The following KIAA1614 variants were observed in gnomAD, a reference collection of about 807,000 sequenced individuals.
The protein encoded by KIAA1614 is uncharacterized protein KIAA1614.
Under a neutral mutation model 88.7 loss-of-function variants are expected in KIAA1614, and 76 were observed. The ratio of observed to expected loss-of-function variants is 0.86; its 90% CI spans 0.71 to 1.04. The LOEUF (loss-of-function observed/expected upper bound fraction) is 1.04. Ranked by LOEUF, KIAA1614 falls within the 50% of genes least tolerant of loss-of-function variation. The pLI, the probability that KIAA1614 is intolerant of heterozygous loss-of-function variation, is 0.00. For synonymous variants in KIAA1614, 714 were observed against 675.5 expected, an observed-to-expected ratio of 1.06 and a Z score of -0.88; for missense variants, 1,553 against 1,582.5, an observed-to-expected ratio of 0.98 and a Z score of 0.32.
At chr1:180,931,511 C>A (rs114436376) in intron 4 of KIAA1614, among the ~76,000 whole-genome samples, 1 of 152,238 alleles carries the variant, frequency 6.6e-6, no homozygotes, top group Non-Finnish European at 1.5e-5. Context: ...ATTTGCTCAA[C>A]GCTTAGCTGC....
rs1654623510 is a variant in KIAA1614 at position 180,947,543 on chromosome 1, G to A, written c.*1955G>A. The A allele has an allele frequency of 6.6e-6, 1 of 152,266 alleles. No individual in the cohort carries two copies. The highest frequency in any genetic ancestry group is 1.5e-5 in the Non-Finnish European group (1 of 68,076). The allele number at this position is 152,266 out of a possible 1,614,324, so 9.4% of individuals were successfully genotyped here. A position where few individuals can be genotyped will look rare whatever the true frequency, so the allele number is the denominator to read the frequency against. ...AGCTGGACATGTAAGAGGAAGAGAG[G>A]ACAGGTCTCTGCCTACTCTGGACCT... On this transcript the variant is annotated 3_prime_UTR_variant, in exon 9 of 9. Transcript: ENST00000367588.
intron 1 of KIAA1614, among the ~76,000 whole-genome samples, 191 bp from the exon 2 acceptor site, chr1:180,915,963 G>A (rs1266831348): frequency 6.6e-6 from 1 of 152,118 alleles, no homozygotes; most frequent in Non-Finnish European, 1.5e-5. Context: ...TGGAAAAACT[G>A]TCTTTCATGA....
intron 3 of KIAA1614, among the ~76,000 whole-genome samples, chr1:180,926,721 G>T (rs1449099086): frequency 1.3e-5 from 2 of 152,232 alleles, no homozygotes; most frequent in Non-Finnish European, 2.9e-5. Context: ...ACGGCTGCAG[G>T]GGCGCCTCTC....
At chr1:180,930,358 G>A (rs1160651252) in intron 4 of KIAA1614, among the ~76,000 whole-genome samples, 1 of 152,022 alleles carries the variant, frequency 6.6e-6, no homozygotes, top group Non-Finnish European at 1.5e-5. Context: ...GGCGGAGGTT[G>A]CAGCGAGCCG....
At chr1:180,924,549 A>G (rs926293138) in intron 3 of KIAA1614, among the ~76,000 whole-genome samples, 1 of 152,210 alleles carries the variant, frequency 6.6e-6, no homozygotes, top group Non-Finnish European at 1.5e-5. Context: ...CCCAGCTGCC[A>G]TTCCTAAGGA....
chr1:180,913,224 G>C lies in KIAA1614; in HGVS notation c.-20G>C, dbSNP rs1183349835. 3.2e-6 allele frequency: 4 copies of C among 1,260,100 alleles called. No individual in the cohort carries two copies. The highest frequency in any genetic ancestry group is 4.0e-6 in the Non-Finnish European group (4 of 996,290). The allele number at this position is 1,260,100 out of a possible 1,614,324, so 78.1% of individuals were successfully genotyped here. ...CCTGGGAGGGAGAAGGGGCTGGAGAGGGCCTGGCCTCTCCGAGGGATGGAG... is the reference window on the plus strand; with the variant it reads ...CCTGGGAGGGAGAAGGGGCTGGAGACGGCCTGGCCTCTCCGAGGGATGGAG... On this transcript the variant is annotated 5_prime_UTR_variant, in exon 1 of 9. Transcript: ENST00000367588.
Position 180,935,975 on chromosome 1 carries a change from T to C in KIAA1614, c.2066T>C (p.Val689Ala). Residue 689 changes from valine to alanine, a missense_variant, in exon 5 of 9, where the codon GTG (valine) becomes GCG (alanine). Transcript: ENST00000367588. This position sits in a 1 kb window ranked among gnomAD's most constrained non-coding sequence, Gnocchi z 6.1. ...RADDVEVENE[V>A]KEGRGHTPEG... Reference sequence around the variant, plus strand: ...GATGATGTGGAGGTGGAAAATGAGGTGAAAGAGGGCAGAGGACACACGCCT... The same window carrying C: ...GATGATGTGGAGGTGGAAAATGAGGCGAAAGAGGGCAGAGGACACACGCCT... The C allele has an allele frequency of 6.2e-7, 1 of 1,613,742 alleles. No individual in the cohort carries two copies. Among genetic ancestry groups the C allele is most frequent in the Non-Finnish European group, 8.5e-7 (1 of 1,179,842 alleles).
In KIAA1614 at chr1:180,916,460, A is replaced by G. The variant is rs754893032; in HGVS notation, c.357A>G (p.Arg119=). The change falls in exon 2 of 9, where the codon AGA becomes AGG. Residue 119 remains arginine, a synonymous_variant. Transcript: ENST00000367588. ...CATCCCCCAAGAAACCCCAATGCAG[A>G]CGAGGCAAGGCAGGGAGAGCCGGGA... is the stretch of plus-strand genomic sequence containing the variant. ...EWSSPKKPQC[R]RGKAGRAGTP... 19 of 1,614,016 alleles carry G rather than the reference A, an allele frequency of 1.2e-5. No homozygotes were observed. The highest frequency in any genetic ancestry group is 1.5e-5 in the Non-Finnish European group (18 of 1,180,032).
rs1417300891 is a variant in KIAA1614, at chr1:180,947,431, G to A, written c.*1843G>A. 1 of 152,272 alleles carries A rather than the reference G, an allele frequency of 6.6e-6. No homozygotes were observed. The highest frequency in any genetic ancestry group is 2.4e-5 in the African/African-American group (1 of 41,424). The allele number at this position is 152,272 out of a possible 1,614,324, so 9.4% of individuals were successfully genotyped here. On this transcript the variant is annotated 3_prime_UTR_variant, in exon 9 of 9. Coordinates refer to ENST00000367588, the MANE Select transcript of KIAA1614 (RefSeq NM_020950.2). Reference sequence around the variant, plus strand: ...TCAGCAGTCCAGGACAGAGACAGTGGTGCCTGGACTGGGAACGGCTGTGGA... The same window carrying A: ...TCAGCAGTCCAGGACAGAGACAGTGATGCCTGGACTGGGAACGGCTGTGGA...
Position 180,935,972 on chromosome 1 carries a change from A to G in KIAA1614, c.2063A>G (p.Glu688Gly). ...PRADDVEVEN[E>G]VKEGRGHTPE... ...GCTGATGATGTGGAGGTGGAAAATG[A>G]GGTGAAAGAGGGCAGAGGACACACG... Residue 688 changes from glutamate to glycine, a missense_variant, in exon 5 of 9, where the codon GAG (glutamate) becomes GGG (glycine). Physicochemically the swap from Glu to Gly is moderately conservative, Grantham distance 98. Transcript: ENST00000367588. This position sits in a 1 kb window ranked among gnomAD's most constrained non-coding sequence, Gnocchi z 6.1. The G allele has an allele frequency of 6.2e-7, 1 of 1,614,028 alleles. No homozygotes were observed. Among genetic ancestry groups the G allele is most frequent in the Non-Finnish European group, 8.5e-7 (1 of 1,179,894 alleles).
intron 7 of KIAA1614, among the ~76,000 whole-genome samples, chr1:180,943,565 T>TTTTTTTTTTTTTTTTTTTTTTTTTTTG (rs1558073486): frequency 7.0e-6 from 1 of 143,606 alleles, no homozygotes; most frequent in Non-Finnish European, 1.5e-5. Context: ...TTTTTTTTTT[T>TTTTTTTTTTTTTTTTTTTTTTTTTTTG]TGAGACAGGG....
At chr1:180,938,160 C>T (rs1654373813) in intron 5 of KIAA1614, among the ~76,000 whole-genome samples, 1 of 152,172 alleles carries the variant, frequency 6.6e-6, no homozygotes, top group African/African-American at 2.4e-5. Flanking sequence ...GGTTTTGTCC[C>T]AGGAATACAA....
chr1:180,917,395 T>C (rs1653843509), intron 2 of KIAA1614, among the ~76,000 whole-genome samples: 1 of 152,142 alleles, frequency 6.6e-6, no homozygotes, highest in African/African-American at 2.4e-5. Context: ...CGGCTTGGAT[T>C]CCTTTCCGGA....
chr1:180,943,160 G>T (rs566889592), intron 7 of KIAA1614, among the ~76,000 whole-genome samples: 1 of 152,064 alleles, frequency 6.6e-6, no homozygotes, highest in Non-Finnish European at 1.5e-5. Flanking sequence ...CTGAGTAGTT[G>T]AGAGTACAGG....
In KIAA1614 at chr1:180,935,367, C is replaced by A. The variant is rs1316188919; in HGVS notation, c.1458C>A (p.Gly486=). 4.8e-6 allele frequency: 7 copies of A among 1,463,302 alleles called. No individual in the cohort carries two copies. The highest frequency in any genetic ancestry group is 6.3e-6 in the Non-Finnish European group (7 of 1,113,460). The allele number at this position is 1,463,302 out of a possible 1,614,324, so 90.6% of individuals were successfully genotyped here. A position where few individuals can be genotyped will look rare whatever the true frequency, so the allele number is the denominator to read the frequency against. The change falls in exon 5 of 9, where the codon GGC becomes GGA. Residue 486 remains glycine (G), a synonymous_variant. Coordinates refer to ENST00000367588, the MANE Select transcript of KIAA1614 (RefSeq NM_020950.2). This position sits in a 1 kb window ranked among gnomAD's most constrained non-coding sequence, Gnocchi z 6.1. ...LSTVLQAADQ[G]PLRSKPDLAD... ...CCGTGTTGCAGGCCGCGGACCAGGG[C>A]CCCCTGCGCTCCAAGCCCGACCTCG...
At chr1:180,939,983 CCTT>C (rs1281382350) in intron 6 of KIAA1614, among the ~76,000 whole-genome samples, 1 of 152,238 alleles carries the variant, frequency 6.6e-6, no homozygotes, top group Non-Finnish European at 1.5e-5. Context: ...AGCCCTGGCT[CCTT>C]CTTCAACTCT....
intron 5 of KIAA1614, 56 bp from the exon 6 acceptor site, chr1:180,938,499 A>G (rs549722236): frequency 6.3e-7 from 1 of 1,584,650 alleles, no homozygotes; most frequent in East Asian, 2.2e-5. Context: ...CCATTCCCCC[A>G]CAGGACCTGT....
intron 6 of KIAA1614, 41 bp from the exon 7 acceptor site, chr1:180,941,004 C>CCCGG: frequency 1.1e-6 from 1 of 915,352 alleles, no homozygotes; most frequent in East Asian, 3.2e-5. Flanking sequence ...GCCACCCTCC[C>CCCGG]GGCCCTCCCC....
intron 4 of KIAA1614, among the ~76,000 whole-genome samples, chr1:180,933,861 A>G (rs974751280): frequency 6.6e-6 from 1 of 152,236 alleles, no homozygotes; most frequent in Non-Finnish European, 1.5e-5. Flanking sequence ...GTCAAGACTC[A>G]GGGGCCAAGG....
Sources: allele counts gnomAD v4.1 joint callset (sites outside exome capture counted in the v4.1 genomes callset), GRCh38; gene constraint gnomAD v4.1.1; non-coding constraint Gnocchi (gnomAD v3.1); transcripts MANE v1.5; gene names NCBI Gene and HGNC (gene_info 2026-07-23, HGNC 2026-07-21).